The following DOCK6 variants were observed in gnomAD, a reference collection of about 807,000 sequenced individuals.
The protein encoded by DOCK6 is dedicator of cytokinesis protein 6.
Under a neutral mutation model 230.3 loss-of-function variants are expected in DOCK6, and 167 were observed. The observed-to-expected ratio is 0.73, with a 90% confidence interval of 0.64 to 0.82. The LOEUF (loss-of-function observed/expected upper bound fraction) is 0.82, where lower values mean the gene tolerates loss of function less well. Ranked by LOEUF, DOCK6 falls within the 40% of genes least tolerant of loss-of-function variation. The pLI, the probability that DOCK6 is intolerant of heterozygous loss-of-function variation, is 0.00. For missense variants in DOCK6, 2,598 were observed against 2,825.8 expected (o/e 0.92, Z 1.83); for synonymous variants, 1,148 against 1,185.0 (o/e 0.97, Z 0.64).
Position 11,243,814 on chromosome 19 carries a change from C to T in DOCK6, c.1092G>A (p.Val364=), listed in dbSNP as rs1283566861. 1 of 1,613,008 alleles carries T rather than the reference C, an allele frequency of 6.2e-7. No individual in the cohort carries two copies. The highest frequency in any genetic ancestry group is 1.3e-5 in the African/African-American group (1 of 74,908). ...CCEPYMVLKE[V]DTAKNKEKLE... ...TCCACACGCTTACCTTGGCTGTGTC[C>T]ACTTCTTTCAACACCATGTAAGGCT... The change falls in exon 10 of 48, where the codon GTG becomes GTA. Residue 364 remains valine (V), a synonymous_variant. Transcript: ENST00000294618. This position sits in a 1 kb window ranked among gnomAD's most constrained non-coding sequence, Gnocchi z 6.3.
At chr19:11,206,958 C>A (rs2079272233) in intron 39 of DOCK6, among the ~76,000 whole-genome samples, 1 of 151,930 alleles carries the variant, frequency 6.6e-6, no homozygotes, top group Non-Finnish European at 1.5e-5. Context: ...GAGTCTCATC[C>A]CGAGTAGCTG....
chr19:11,227,537 G>A (rs569963819), intron 23 of DOCK6, 60 bp from the exon 24 acceptor site: 797 of 1,529,192 alleles, frequency 5.2e-4, no homozygotes, highest in Non-Finnish European at 6.8e-4. Context: ...AGGACTTGAA[G>A]GGCTGTGGGT....
chr19:11,232,116 G>A (rs916360863), intron 22 of DOCK6: 2 of 1,183,808 alleles, frequency 1.7e-6, no homozygotes, highest in Non-Finnish European at 2.2e-6. Context: ...GTCAGATGCA[G>A]CCAGGAAGGT....
chr19:11,234,105 T>C (rs1376358621), intron 21 of DOCK6, among the ~76,000 whole-genome samples: 1 of 152,140 alleles, frequency 6.6e-6, no homozygotes, highest in Non-Finnish European at 1.5e-5. Flanking sequence ...GTTTGTGTGA[T>C]TCTCTTGCCT....
At position 11,201,830 on chromosome 19, in the gene DOCK6, C is replaced by A; in HGVS notation, c.5688+59G>T. The A allele has an allele frequency of 3.2e-6, 4 of 1,250,380 alleles. No individual in the cohort carries two copies. Among genetic ancestry groups the A allele is most frequent in the Non-Finnish European group, 4.4e-6 (4 of 903,382 alleles). The allele number at this position is 1,250,380 out of a possible 1,614,324, so 77.5% of individuals were successfully genotyped here. A position where few individuals can be genotyped will look rare whatever the true frequency, so the allele number is the denominator to read the frequency against. On this transcript the variant is annotated intron_variant, in intron 44 of 47. Transcript: ENST00000294618. The surrounding 1 kb of genome is among the most constrained non-coding windows in gnomAD (Gnocchi z 4.3). Reference sequence around the variant, plus strand: ...CCCTGTGTCTACCCTCCCCTCCCCTCCCAGGGTCTGATGTCCCCTCACCTC... The same window carrying A: ...CCCTGTGTCTACCCTCCCCTCCCCTACCAGGGTCTGATGTCCCCTCACCTC...
chr19:11,255,844 T>C (rs1486706434), intron 1 of DOCK6, among the ~76,000 whole-genome samples: 1 of 152,180 alleles, frequency 6.6e-6, no homozygotes, highest in East Asian at 1.9e-4. Context: ...TGGAGTGCAG[T>C]GGCGCAATCT....
intron 1 of DOCK6, among the ~76,000 whole-genome samples, chr19:11,255,371 A>G (rs1451360061): frequency 1.4e-5 from 2 of 147,274 alleles, no homozygotes; most frequent in Non-Finnish European, 3.0e-5. Flanking sequence ...GTGGCACGAT[A>G]TCGGCTCACT....
chr19:11,229,388 G>A, intron 22 of DOCK6: 1 of 1,081,180 alleles, frequency 9.2e-7, no homozygotes, highest in African/African-American at 1.6e-5. Context: ...TGCAGTCGAT[G>A]GCCTATGATG....
In DOCK6 at chr19:11,213,182, G is replaced by T; in HGVS notation, c.4485C>A (p.Ile1495=). ...CCTCCTAGCCCCCACTCACGTGGCC[G>T]ATCTCGAAGTTCTGTCGCATGAGCA... ...LYLLMRQNFE[I]GHNFARVKMQ... is the part of the protein sequence containing the mutation. Residue 1495 remains isoleucine, a synonymous_variant, in exon 35 of 48, where the codon ATC becomes ATA. Transcript: ENST00000294618. 1.2e-6 allele frequency: 2 copies of T among 1,611,502 alleles called. No homozygotes were observed. The highest frequency in any genetic ancestry group is 1.7e-6 in the Non-Finnish European group (2 of 1,178,686).
At chr19:11,245,755 C>T in intron 8 of DOCK6, 43 bp from the exon 9 acceptor site, 1 of 1,604,970 alleles carries the variant, frequency 6.2e-7, no homozygotes. Flanking sequence ...TCTGGGAAGC[C>T]CACAGCCCCC....
In DOCK6 at chr19:11,243,625, G is replaced by T; in HGVS notation, c.1190C>A (p.Thr397Lys). The T allele has an allele frequency of 1.2e-6, 2 of 1,612,040 alleles. No homozygotes were observed. The highest frequency in any genetic ancestry group is 1.7e-6 in the Non-Finnish European group (2 of 1,179,518). ...CACGATGTTGGCCAAGTGCACGGCC[G>T]TCCAGGCGAAGGGCATGCGGTAGCG... ...LGRYRMPFAW[T>K]AVHLANIVSS... Residue 397 changes from threonine to lysine, a missense_variant, in exon 11 of 48, where the codon ACG becomes AAG. Transcript: ENST00000294618. The surrounding 1 kb of genome is among the most constrained non-coding windows in gnomAD (Gnocchi z 6.3).
chr19:11,234,480 A>G (rs1342873608), intron 21 of DOCK6, among the ~76,000 whole-genome samples: 1 of 148,920 alleles, frequency 6.7e-6, no homozygotes, highest in African/African-American at 2.6e-5. Flanking sequence ...TGCCTGACAC[A>G]TAGGGATTGG....
intron 14 of DOCK6, chr19:11,239,633 C>CA: frequency 6.2e-7 from 1 of 1,613,732 alleles, no homozygotes; most frequent in Non-Finnish European, 8.5e-7. Flanking sequence ...CTTAGACCCT[C>CA]AGTCATGCCA....
chr19:11,224,150 CAGTTT>C (rs1444101103), intron 24 of DOCK6, among the ~76,000 whole-genome samples: 1 of 151,486 alleles, frequency 6.6e-6, no homozygotes, highest in African/African-American at 2.4e-5. Flanking sequence ...AAAGTAATTG[CAGTTT>C]TGCAATTACT....
At position 11,236,728 on chromosome 19, in the gene DOCK6, A is replaced by T; in HGVS notation, c.2160+65T>A. On this transcript the variant is annotated intron_variant, in intron 19 of 47. Transcript: ENST00000294618. The surrounding 1 kb of genome is among the most constrained non-coding windows in gnomAD (Gnocchi z 5.2). ...ACCTCCCCGGCCATCGGCAACTGTT[A>T]CTCAATCGTAGGGCAGGCAAGAGGG... The T allele has an allele frequency of 6.5e-7, 1 of 1,532,728 alleles. No individual in the cohort carries two copies. Among genetic ancestry groups the T allele is most frequent in the Non-Finnish European group, 8.8e-7 (1 of 1,130,962 alleles). The allele number at this position is 1,532,728 out of a possible 1,614,324, so 94.9% of individuals were successfully genotyped here. A position where few individuals can be genotyped will look rare whatever the true frequency, so the allele number is the denominator to read the frequency against.
At chr19:11,245,224 C>A (rs906131312) in intron 9 of DOCK6, among the ~76,000 whole-genome samples, 1 of 152,184 alleles carries the variant, frequency 6.6e-6, no homozygotes, top group African/African-American at 2.4e-5. Flanking sequence ...AACAGAAAAT[C>A]TCAAATGAGG....
Position 11,232,086 on chromosome 19 carries a change from C to T in DOCK6, c.2718+1117G>A, listed in dbSNP as rs1169855622. 1.0e-5 allele frequency: 9 copies of T among 877,478 alleles called. No homozygotes were observed. In the East Asian group the frequency reaches 6.0e-4, roughly 59 times the overall value. 54.4% of individuals were successfully genotyped at this position (877,478 alleles called of 1,614,324 possible). On this transcript the variant is annotated intron_variant, in intron 22 of 47. Coordinates refer to ENST00000294618, the MANE Select transcript of DOCK6 (RefSeq NM_020812.4). The stretch of plus-strand genomic sequence containing the variant: ...CAGGAGAGGGGTCTGCCACCTCCTT[C>T]AGGCAGCCCCCCTAGGTTAGTCAGA...
chr19:11,235,923 C>T (rs557154477), intron 20 of DOCK6, 164 bp from the exon 21 acceptor site: 11 of 936,410 alleles, frequency 1.2e-5, no homozygotes, highest in South Asian at 4.8e-5. Context: ...CTCTGTTGCC[C>T]GGGCTGGAGT....
At chr19:11,218,715 T>C (rs1197918624) in intron 28 of DOCK6, among the ~76,000 whole-genome samples, 1 of 152,050 alleles carries the variant, frequency 6.6e-6, no homozygotes, top group African/African-American at 2.4e-5. Flanking sequence ...CCCAAAGTGC[T>C]GGGATTACAG....
Sources: allele counts gnomAD v4.1 joint callset (sites outside exome capture counted in the v4.1 genomes callset), GRCh38; gene constraint gnomAD v4.1.1; non-coding constraint Gnocchi (gnomAD v3.1); transcripts MANE v1.5; gene names NCBI Gene and HGNC (gene_info 2026-07-23, HGNC 2026-07-21).